SNX29: variants seen among roughly 807,000 people sequenced by gnomAD.
SNX29 encodes the protein sorting nexin 29.
Under a neutral mutation model 102.1 loss-of-function variants are expected in SNX29, and 78 were observed. That is an observed-to-expected ratio of 0.76 (90% CI 0.64 to 0.92). The LOEUF (loss-of-function observed/expected upper bound fraction) is 0.92. Among genes scored for constraint, SNX29 ranks in the 40% least tolerant of loss-of-function variants. The pLI is 0.00. For synonymous variants in SNX29, 580 were observed against 414.5 expected (o/e 1.40, Z -4.85); for missense variants, 1,280 against 1,061.7 (o/e 1.21, Z -2.86).
Position 12,499,926 on chromosome 16 carries a change from C to G in SNX29, c.2178+22067C>G, listed in dbSNP as rs534174610. On this transcript the variant is annotated intron_variant, in intron 19 of 20. Coordinates refer to ENST00000566228, the MANE Select transcript of SNX29 (RefSeq NM_032167.5). ...TCCTGGGCTCAAGGGATCCACCTGC[C>G]TCAGTCTCACAAAGTGCTAGGATTA... Among the ~76,000 whole-genome samples the G allele has an allele frequency of 5.9e-5, 9 of 152,292 alleles. No homozygotes were observed. In the East Asian group the frequency reaches 1.7e-3, roughly 29 times the overall value.
intron 15 of SNX29, among the ~76,000 whole-genome samples, chr16:12,337,911 C>T (rs778001186): frequency 6.6e-6 from 1 of 152,132 alleles, no homozygotes; most frequent in Non-Finnish European, 1.5e-5. Flanking sequence ...TTTCTGCAGC[C>T]GAGGAACGGT....
chr16:12,536,339 C>G (rs949023693), intron 20 of SNX29, among the ~76,000 whole-genome samples: 3 of 152,102 alleles, frequency 2.0e-5, no homozygotes, highest in Middle Eastern at 3.4e-3. Context: ...CAGCAGGAAA[C>G]AAGCCGTACT....
chr16:12,541,977 C>T (rs2077362583), intron 20 of SNX29, among the ~76,000 whole-genome samples: 1 of 152,146 alleles, frequency 6.6e-6, no homozygotes, highest in Non-Finnish European at 1.5e-5. Flanking sequence ...AGAGACTTGG[C>T]TTGTCTTATG....
chr16:12,567,873 C>G (rs149320543), intron 20 of SNX29, among the ~76,000 whole-genome samples: 11 of 152,146 alleles, frequency 7.2e-5, no homozygotes, highest in East Asian at 1.9e-4. Context: ...AAAAATGTGC[C>G]GAGGGCCTCC....
At chr16:12,426,821 A>G (rs1285433027) in intron 18 of SNX29, among the ~76,000 whole-genome samples, 1 of 152,124 alleles carries the variant, frequency 6.6e-6, no homozygotes, top group Non-Finnish European at 1.5e-5. Context: ...GCATGCTACC[A>G]TGCCCAGCTA....
intron 19 of SNX29, among the ~76,000 whole-genome samples, chr16:12,488,677 C>G (rs1272451765): frequency 1.3e-5 from 2 of 152,148 alleles, no homozygotes; most frequent in African/African-American, 2.4e-5. Context: ...CATTCATGGT[C>G]GTTCATAGAT....
At chr16:12,305,076 A>G (rs2080297085) in intron 15 of SNX29, among the ~76,000 whole-genome samples, 1 of 152,250 alleles carries the variant, frequency 6.6e-6, no homozygotes, top group Admixed American at 6.5e-5. Flanking sequence ...AACATCAATT[A>G]TCATAGTGTG....
chr16:12,332,636 AC>A (rs1026723650), intron 15 of SNX29, among the ~76,000 whole-genome samples: 4 of 151,836 alleles, frequency 2.6e-5, no homozygotes, highest in Non-Finnish European at 5.9e-5. Flanking sequence ...ACGCTCAAGA[AC>A]CCCGTCCTTA....
intron 20 of SNX29, among the ~76,000 whole-genome samples, chr16:12,546,889 C>T (rs1428454509): frequency 1.3e-5 from 2 of 152,176 alleles, no homozygotes; most frequent in South Asian, 2.1e-4. Flanking sequence ...TTTTCCAGGG[C>T]TAGGAGTGCA....
intron 20 of SNX29, among the ~76,000 whole-genome samples, chr16:12,553,632 C>T (rs2078134361): frequency 1.5e-5 from 2 of 134,672 alleles, no homozygotes; most frequent in Non-Finnish European, 1.5e-5. Flanking sequence ...TGCTTGTTGC[C>T]CAGGCTGGAG....
chr16:12,453,949 G>GT (rs967727017), intron 18 of SNX29, among the ~76,000 whole-genome samples: 7 of 151,960 alleles, frequency 4.6e-5, no homozygotes, highest in East Asian at 3.9e-4. Context: ...ATAGCCATGG[G>GT]TTTTTTTTGT....
chr16:12,538,781 G>C (rs11643978), intron 20 of SNX29, among the ~76,000 whole-genome samples: 6 of 152,088 alleles, frequency 3.9e-5, no homozygotes, highest in East Asian at 1.9e-4. Flanking sequence ...ATGTCACATC[G>C]CCAAGGGGGA....
At chr16:12,115,209 C>T (rs1252780513) in intron 11 of SNX29, among the ~76,000 whole-genome samples, 2 of 152,082 alleles carry the variant, frequency 1.3e-5, no homozygotes, top group Non-Finnish European at 2.9e-5. Context: ...TCGCTGCTTT[C>T]ACTGCTGCTG....
intron 13 of SNX29, among the ~76,000 whole-genome samples, chr16:12,187,117 T>C (rs2076530138): frequency 6.6e-6 from 1 of 152,242 alleles, no homozygotes; most frequent in African/African-American, 2.4e-5. Flanking sequence ...CATATTCCTG[T>C]CTGCCTGGTT....
chr16:12,090,908 G>C (rs752539170), intron 11 of SNX29, among the ~76,000 whole-genome samples: 1 of 149,212 alleles, frequency 6.7e-6, no homozygotes, highest in Non-Finnish European at 1.5e-5. Context: ...CCAGCTACTC[G>C]AGAGGCTGAG....
chr16:12,382,042 G>T, intron 16 of SNX29, among the ~76,000 whole-genome samples: 1 of 151,992 alleles, frequency 6.6e-6, no homozygotes, highest in Non-Finnish European at 1.5e-5. Flanking sequence ...TCTTCAAGCA[G>T]CTTCCAAAAC....
At chr16:12,558,781 C>A (rs1185754264) in intron 20 of SNX29, among the ~76,000 whole-genome samples, 2 of 152,368 alleles carry the variant, frequency 1.3e-5, no homozygotes, top group East Asian at 3.9e-4. Flanking sequence ...CATTGTACAA[C>A]CTGAAGCAGT....
At chr16:12,119,515 G>A (rs2053884925) in intron 11 of SNX29, among the ~76,000 whole-genome samples, 1 of 152,154 alleles carries the variant, frequency 6.6e-6, no homozygotes, top group Non-Finnish European at 1.5e-5. Context: ...TCACATTTGT[G>A]TTTTCTGTTT....
intron 15 of SNX29, among the ~76,000 whole-genome samples, chr16:12,329,433 G>T (rs2151205813): frequency 6.6e-6 from 1 of 152,188 alleles, no homozygotes; most frequent in Non-Finnish European, 1.5e-5. Flanking sequence ...CTGGCTTACT[G>T]GGTTTTGTCA....
Sources: gnomAD v4.1 joint callset for allele counts (sites outside exome capture counted in the v4.1 genomes callset) on GRCh38, gnomAD v4.1.1 for gene constraint, MANE v1.5 for transcripts, NCBI Gene and HGNC (gene_info 2026-07-23, HGNC 2026-07-21) for gene names.